The following LRRC74B variants were observed in gnomAD, a reference collection of about 807,000 sequenced individuals.
The protein encoded by LRRC74B is leucine-rich repeat-containing protein 74B.
A neutral mutation model predicts 16.6 loss-of-function variants in LRRC74B; 30 were observed. The observed-to-expected ratio is 1.80, with a 90% CI of 1.35 to 2.45. The LOEUF (loss-of-function observed/expected upper bound fraction) is 2.45, where lower values mean the gene tolerates loss of function less well. Ranked by LOEUF, LRRC74B falls within the 30% of genes most tolerant of loss-of-function variation. LRRC74B has a pLI of 0.00. For synonymous variants in LRRC74B, 134 were observed against 86.0 expected (o/e 1.56, Z -3.09); for missense variants, 326 against 202.4 (o/e 1.61, Z -3.71).
downstream of LRRC74B, among the ~76,000 whole-genome samples, chr22:21,061,359 AT>A (rs2148167824): frequency 6.6e-6 from 1 of 152,376 alleles, no homozygotes; most frequent in African/African-American, 2.4e-5. Flanking sequence ...GTTTATCATA[AT>A]GAAAATTGGA....
At chr22:21,063,930 A>G (rs1930923676), downstream of LRRC74B, 2 of 153,938 alleles carry the variant, frequency 1.3e-5, no homozygotes, top group Non-Finnish European at 2.9e-5. Flanking sequence ...AGCCGAGATC[A>G]TGCCACTGCA....
chr22:21,055,747 C>T (rs1159399564), intron 7 of LRRC74B, among the ~76,000 whole-genome samples: 1 of 152,168 alleles, frequency 6.6e-6, no homozygotes, highest in Non-Finnish European at 1.5e-5. Flanking sequence ...CAGCTCCCCA[C>T]CCTAGCCTTA....
At chr22:21,055,995 C>T (rs1053830264) in intron 7 of LRRC74B, among the ~76,000 whole-genome samples, 2 of 152,140 alleles carry the variant, frequency 1.3e-5, no homozygotes, top group Non-Finnish European at 2.9e-5. Context: ...GCCTGCCTGC[C>T]CCTCCCTTTT....
exon 7 of LRRC74B, chr22:21,055,144 C>T (rs1930402249): frequency 2.8e-6 from 2 of 717,188 alleles, no homozygotes; most frequent in South Asian, 1.5e-5. Context: ...GGGCCTGGGC[C>T]TCCGGGTCAA....
downstream of LRRC74B, chr22:21,062,147 G>A (rs1273300684): frequency 6.6e-6 from 1 of 152,164 alleles, no homozygotes; most frequent in African/African-American, 2.4e-5. Flanking sequence ...TGAAACATCC[G>A]GAGTATGCAA....
intron 3 of LRRC74B, 74 bp from the exon 4 acceptor site, chr22:21,048,877 G>A (rs1333394245): frequency 2.9e-6 from 2 of 690,356 alleles, no homozygotes; most frequent in African/African-American, 3.5e-5. Context: ...AGACCTGGAG[G>A]TTTGGGGGAT....
chr22:21,055,625 A>C (rs1930461231), intron 7 of LRRC74B, among the ~76,000 whole-genome samples: 2 of 152,162 alleles, frequency 1.3e-5, no homozygotes, highest in South Asian at 2.1e-4. Flanking sequence ...AGACAGACAC[A>C]GGAGGGAGGC....
intron 3 of LRRC74B, 33 bp downstream of exon 3, chr22:21,048,049 G>T (rs772010073): frequency 4.2e-6 from 3 of 716,430 alleles, no homozygotes; most frequent in South Asian, 1.5e-5. Flanking sequence ...GTGGGCAGGC[G>T]TGTCCTCCTT....
chr22:21,050,851 G>A (rs551067921), intron 4 of LRRC74B, among the ~76,000 whole-genome samples: 5 of 151,496 alleles, frequency 3.3e-5, no homozygotes, highest in Non-Finnish European at 4.4e-5. Flanking sequence ...ACACCACTTC[G>A]GGAGGCTGAG....
At chr22:21,062,980 A>G (rs189977633), downstream of LRRC74B, 2 of 151,054 alleles carry the variant, frequency 1.3e-5, no homozygotes, top group Non-Finnish European at 2.9e-5. Flanking sequence ...GCAGTGAGCC[A>G]TGATTGCACC....
chr22:21,051,567 C>T (rs1044733605), intron 4 of LRRC74B, among the ~76,000 whole-genome samples: 1 of 152,074 alleles, frequency 6.6e-6, no homozygotes, highest in Non-Finnish European at 1.5e-5. Flanking sequence ...CCATCTGGTC[C>T]CCCAGCCTCT....
chr22:21,049,107 C>T, exon 4 of LRRC74B: 1 of 716,376 alleles, frequency 1.4e-6, no homozygotes, highest in Non-Finnish European at 2.6e-6. Flanking sequence ...CTGGCCCACA[C>T]AGACCTGAAG....
chr22:21,053,462 G>A (rs1930233233), exon 6 of LRRC74B: 2 of 717,116 alleles, frequency 2.8e-6, no homozygotes, highest in Admixed American at 2.0e-5. Context: ...CGTGTTGGAG[G>A]AACTCAACAT....
At chr22:21,055,160 C>A (rs139014995) in exon 7 of LRRC74B, 1 of 716,832 alleles carries the variant, frequency 1.4e-6, no homozygotes, top group South Asian at 1.5e-5. Context: ...GTCAACCAGA[C>A]GCTGAGGATT....
intron 5 of LRRC74B, among the ~76,000 whole-genome samples, chr22:21,052,858 T>C (rs1394965247): frequency 1.3e-5 from 2 of 152,334 alleles, no homozygotes; most frequent in African/African-American, 4.8e-5. Context: ...CCTCAGGCCA[T>C]GGCAGCTGCT....
At chr22:21,051,121 C>T (rs76517355) in intron 4 of LRRC74B, among the ~76,000 whole-genome samples, 2,973 of 152,106 alleles carry the variant, frequency 0.02, 107 homozygotes, top group South Asian at 0.15. Flanking sequence ...CACTGCACTC[C>T]GGGTTGGGCA....
chr22:21,063,489 T>C (rs920097963), downstream of LRRC74B: 4 of 151,570 alleles, frequency 2.6e-5, no homozygotes, highest in African/African-American at 7.3e-5. Context: ...ATCACTTTAG[T>C]CCAGGAGTTT....
At chr22:21,048,772 G>C (rs1242119747) in intron 3 of LRRC74B, 179 bp from the exon 4 acceptor site, 1 of 599,912 alleles carries the variant, frequency 1.7e-6, no homozygotes, top group Non-Finnish European at 3.0e-6. Context: ...ACACAGGGAG[G>C]GGGAGGTCAG....
At chr22:21,054,840 C>A (rs948913832) in intron 6 of LRRC74B, among the ~76,000 whole-genome samples, 6 of 152,214 alleles carry the variant, frequency 3.9e-5, no homozygotes, top group Non-Finnish European at 8.8e-5. Context: ...GGAGCACTTG[C>A]AGAGCTCAGA....
Sources: gnomAD v4.1 joint callset for allele counts (sites outside exome capture counted in the v4.1 genomes callset) on GRCh38, gnomAD v4.1.1 for gene constraint, MANE v1.5 for transcripts, NCBI Gene and HGNC (gene_info 2026-07-23, HGNC 2026-07-21) for gene names.